Variants in CLOCK observed in about 807,000 individuals in gnomAD.
CLOCK encodes the protein circadian locomoter output cycles protein kaput.
A neutral mutation model predicts 118.4 loss-of-function variants in CLOCK; 43 were observed. That is an observed-to-expected ratio of 0.36 (90% confidence interval 0.28 to 0.47). The LOEUF (loss-of-function observed/expected upper bound fraction) is 0.47, where lower values mean the gene tolerates loss of function less well. Among genes scored for constraint, CLOCK ranks in the 20% least tolerant of loss-of-function variants. The probability of loss-of-function intolerance (pLI) is 1.00; values close to 1 mark genes in which losing one functional copy is unlikely to be tolerated. For synonymous variants in CLOCK, 326 were observed against 339.2 expected, an observed-to-expected ratio of 0.96 and a Z score of 0.43; for missense variants, 846 against 999.9, an observed-to-expected ratio of 0.85 and a Z score of 2.08.
chr4:55,484,115 T>C (rs895065699), intron 3 of CLOCK, among the ~76,000 whole-genome samples: 1 of 152,196 alleles, frequency 6.6e-6, no homozygotes, highest in African/African-American at 2.4e-5. Context: ...GAAAGGAGAA[T>C]AACCCTGGCA....
chr4:55,473,873 G>A (rs942341033), intron 7 of CLOCK, among the ~76,000 whole-genome samples: 1 of 152,056 alleles, frequency 6.6e-6, no homozygotes, highest in Non-Finnish European at 1.5e-5. Flanking sequence ...TGTGTGCTCT[G>A]ACTGCTCCAC....
In CLOCK at chr4:55,458,899, A is replaced by T; in HGVS notation, c.785T>A (p.Phe262Tyr). 1 of 1,604,936 alleles carries T rather than the reference A, an allele frequency of 6.2e-7. No homozygotes were observed. The highest frequency in any genetic ancestry group is 8.5e-7 in the Non-Finnish European group (1 of 1,171,910). The change falls in exon 11 of 23, where the codon TTC becomes TAC. Residue 262 changes from phenylalanine to tyrosine, a missense_variant. By Grantham distance (22) the Phe-to-Tyr change is conservative (BLOSUM62 3). This residue lies in a region of CLOCK where 14 missense variants were observed against 42.2 expected (regional missense o/e 0.33). Transcript: ENST00000513440. ...VATVRLATPQFIKEMCTVEEP... is the reference protein window; with the variant it reads ...VATVRLATPQYIKEMCTVEEP... ...ATAAAATTAAAAACATACCTTGATG[A>T]ACTGAGGTGTAGCTAACCTGACAGT... is the stretch of plus-strand genomic sequence containing the variant.
intron 21 of CLOCK, among the ~76,000 whole-genome samples, chr4:55,440,771 G>A (rs945717135): frequency 8.6e-5 from 13 of 151,966 alleles, no homozygotes; most frequent in South Asian, 2.1e-4. Flanking sequence ...ATCTGCTTTC[G>A]TGTAACTCAC....
chr4:55,509,132 T>C (rs748624288), intron 2 of CLOCK, among the ~76,000 whole-genome samples: 2 of 152,220 alleles, frequency 1.3e-5, no homozygotes, highest in East Asian at 1.9e-4. Context: ...GGTTGTGCCA[T>C]GATGACATGA....
chr4:55,502,308 T>A (rs1486147072), intron 2 of CLOCK, among the ~76,000 whole-genome samples: 2 of 152,140 alleles, frequency 1.3e-5, no homozygotes, highest in African/African-American at 4.8e-5. Flanking sequence ...ATTTAAACTA[T>A]CAGATATCAT....
At chr4:55,543,918 C>A (rs995732349) in intron 1 of CLOCK, among the ~76,000 whole-genome samples, 4 of 152,080 alleles carry the variant, frequency 2.6e-5, no homozygotes, top group African/African-American at 7.2e-5. Context: ...ATATAAGTAT[C>A]CTATCCTACA....
Position 55,430,640 on chromosome 4 carries a change from T to C in CLOCK, c.*4775A>G, listed in dbSNP as rs1722436771. 3 of 152,164 alleles carry C rather than the reference T, an allele frequency of 2.0e-5. No homozygotes were observed. The highest frequency in any genetic ancestry group is 4.4e-5 in the Non-Finnish European group (3 of 68,014). 9.4% of individuals were successfully genotyped at this position (152,164 alleles called of 1,614,324 possible). A position where few individuals can be genotyped will look rare whatever the true frequency, so the allele number is the denominator to read the frequency against. ...TTGTGCAAAAATATTACAAGAGCAA[T>C]TCAAATGGAAATGCTGAAATGACAT... On this transcript the variant is annotated 3_prime_UTR_variant, in exon 23 of 23. Coordinates refer to ENST00000513440, the MANE Select transcript of CLOCK (RefSeq NM_004898.4).
chr4:55,455,181 A>G (rs1225577390), intron 13 of CLOCK, among the ~76,000 whole-genome samples: 1 of 152,180 alleles, frequency 6.6e-6, no homozygotes, highest in Non-Finnish European at 1.5e-5. Context: ...GGATCAGAGA[A>G]GCAAATAAAA....
intron 18 of CLOCK, among the ~76,000 whole-genome samples, 196 bp downstream of exon 18, chr4:55,448,583 T>TGCGCGC (rs1016031959): frequency 4.7e-5 from 5 of 105,998 alleles, no homozygotes; most frequent in Admixed American, 2.3e-4. Flanking sequence ...ATTATATATG[T>TGCGCGC]GCGCGCGCGC....
chr4:55,545,174 C>T (rs1731533513), intron 1 of CLOCK, among the ~76,000 whole-genome samples: 2 of 151,804 alleles, frequency 1.3e-5, no homozygotes, highest in Non-Finnish European at 2.9e-5. Context: ...ATTAACTCGT[C>T]GTTTACATTA....
At chr4:55,505,592 A>G (rs950802898) in intron 2 of CLOCK, among the ~76,000 whole-genome samples, 2 of 152,070 alleles carry the variant, frequency 1.3e-5, no homozygotes, top group Non-Finnish European at 2.9e-5. Context: ...TAAGCCCTGG[A>G]AGTCCAGGCT....
At chr4:55,444,908 T>C in intron 18 of CLOCK, 123 bp from the exon 19 acceptor site, 6 of 981,838 alleles carry the variant, frequency 6.1e-6, no homozygotes, top group Non-Finnish European at 9.3e-6. Context: ...TCACTAGTTA[T>C]GTCCCTTAGT....
rs192657276 is a variant in CLOCK at position 55,515,536 on chromosome 4, G to A, written c.-289-5471C>T. Among the ~76,000 whole-genome samples, 8 of 152,110 alleles carry A rather than the reference G, an allele frequency of 5.3e-5. No homozygotes were observed. The East Asian group carries it at 1.6e-3, about 30-fold the overall frequency. ...ACTACAGGCGCCTGACACCATGCCT[G>A]GTTAATTTTTTGAATTTTTTGTATT... On this transcript the variant is annotated intron_variant, in intron 1 of 22. Coordinates refer to ENST00000513440, the MANE Select transcript of CLOCK (RefSeq NM_004898.4).
chr4:55,483,292 A>G (rs1727055513), intron 3 of CLOCK, among the ~76,000 whole-genome samples: 1 of 152,208 alleles, frequency 6.6e-6, no homozygotes, highest in Non-Finnish European at 1.5e-5. Flanking sequence ...AATAATTATA[A>G]TAAGAGGTAT....
At chr4:55,457,514 T>G (rs1725001212) in intron 11 of CLOCK, among the ~76,000 whole-genome samples, 1 of 152,190 alleles carries the variant, frequency 6.6e-6, no homozygotes, top group Admixed American at 6.5e-5. Context: ...TTACCAATAC[T>G]CAAATATTAT....
intron 1 of CLOCK, among the ~76,000 whole-genome samples, chr4:55,510,518 T>G (rs1305801795): frequency 6.7e-6 from 1 of 150,164 alleles, no homozygotes; most frequent in East Asian, 2.0e-4. Flanking sequence ...TCCCAGCTAC[T>G]AGGGAGGCTG....
chr4:55,473,233 A>AG (rs1196903701), intron 7 of CLOCK, among the ~76,000 whole-genome samples: 1 of 152,142 alleles, frequency 6.6e-6, no homozygotes, highest in Non-Finnish European at 1.5e-5. Flanking sequence ...CCAAAAAAAA[A>AG]AAAAGAAGAC....
At chr4:55,497,441 A>G (rs1337154656) in intron 2 of CLOCK, among the ~76,000 whole-genome samples, 3 of 152,194 alleles carry the variant, frequency 2.0e-5, no homozygotes, top group African/African-American at 4.8e-5. Flanking sequence ...AGGAATCAGG[A>G]TATGAACCTC....
In CLOCK at chr4:55,438,347, G is replaced by C. The variant is rs758873432; in HGVS notation, c.2296C>G (p.Gln766Glu). 4.3e-6 allele frequency: 7 copies of C among 1,613,918 alleles called. No individual in the cohort carries two copies. The South Asian group carries it at 7.7e-5, about 18-fold the overall frequency. ...QQQQQSSQEQ[Q>E]LTSVQQPSQA... ...GATGGTTGCTGAACTGAAGTGAGCT[G>C]CTGCTCCTGGGAGCTCTGCTGCTGC... Residue 766 changes from glutamine (Q) to glutamate (E), a missense_variant, in exon 22 of 23, where the codon CAG (glutamine) becomes GAG (glutamate). Gln to Glu is a conservative substitution (Grantham distance 29). Transcript: ENST00000513440.
Sources: gnomAD v4.1 joint callset for allele counts (sites outside exome capture counted in the v4.1 genomes callset) on GRCh38, gnomAD v4.1.1 for gene constraint, gnomAD v4.1.1 regional missense constraint, MANE v1.5 for transcripts, NCBI Gene and HGNC (gene_info 2026-07-23, HGNC 2026-07-21) for gene names.